Variants in TMEM177 observed in about 807,000 individuals in gnomAD.
The protein encoded by TMEM177 is transmembrane protein 177.
In TMEM177, 4 loss-of-function variants were observed where a neutral mutation model predicts 14.2. That is an observed-to-expected ratio of 0.28 (90% CI 0.14 to 0.64). The LOEUF (loss-of-function observed/expected upper bound fraction) is 0.64, where lower values mean the gene tolerates loss of function less well. TMEM177 is among the 30% of genes least tolerant of loss of function. The probability of loss-of-function intolerance (pLI) is 0.82; values close to 1 mark genes in which losing one functional copy is unlikely to be tolerated. For synonymous variants in TMEM177, 179 were observed against 174.5 expected (o/e 1.03, Z -0.20); for missense variants, 344 against 405.2 (o/e 0.85, Z 1.30).
At chr2:119,694,416 C>T in the TMEM177 span, among the ~76,000 whole-genome samples, 941 of 152,310 alleles carry the variant, frequency 6.2e-3, 8 homozygotes, top group South Asian at 0.012. Flanking sequence ...TAACTCACTG[C>T]CCCCACCAGA....
Position 119,681,872 on chromosome 2 carries a change from C to T in TMEM177, c.*83C>T. On this transcript the variant is annotated 3_prime_UTR_variant, in exon 2 of 2. Transcript: ENST00000272521. The stretch of plus-strand genomic sequence containing the variant: ...GGAGGGCCCTGTTGGAGCCTTTGGA[C>T]CTATAGCTCACGGCCAGAAAAATCA... 1.4e-6 allele frequency: 2 copies of T among 1,379,598 alleles called. No individual in the cohort carries two copies. The highest frequency in any genetic ancestry group is 2.0e-6 in the Non-Finnish European group (2 of 1,002,280). The allele number at this position is 1,379,598 out of a possible 1,614,324, so 85.5% of individuals were successfully genotyped here.
chr2:119,707,969 G>C, the TMEM177 span, among the ~76,000 whole-genome samples: 1 of 152,188 alleles, frequency 6.6e-6, no homozygotes, highest in Admixed American at 6.5e-5. Context: ...CATGGCTCCG[G>C]CGCCTCTCCC....
At chr2:119,694,517 T>C in the TMEM177 span, among the ~76,000 whole-genome samples, 1 of 152,256 alleles carries the variant, frequency 6.6e-6, no homozygotes, top group African/African-American at 2.4e-5. Context: ...GGCTGGAGTT[T>C]AGTGCAGGAG....
rs985751079 is a variant in TMEM177, at chr2:119,682,025, TAAAC to T, written c.*237_*240del. 2.1e-4 allele frequency: 104 copies of T among 504,614 alleles called. No homozygotes were observed. The highest frequency in any genetic ancestry group is 3.4e-4 in the Non-Finnish European group (94 of 278,952). The allele number at this position is 504,614 out of a possible 1,614,324, so 31.3% of individuals were successfully genotyped here. The stretch of plus-strand genomic sequence containing the variant: ...CTTGAACTGTAAAGTGGAGATGATG[TAAAC>T]CGCCTTGCAAGATTGTAGAGTTGGG... On this transcript the variant is annotated 3_prime_UTR_variant, in exon 2 of 2. Coordinates refer to ENST00000272521, the MANE Select transcript of TMEM177 (RefSeq NM_030577.3).
the TMEM177 span, among the ~76,000 whole-genome samples, chr2:119,696,987 G>A: frequency 6.6e-6 from 1 of 152,130 alleles, no homozygotes; most frequent in Admixed American, 6.5e-5. Context: ...CAGCTACTCC[G>A]GTCTCTGAGG....
chr2:119,715,092 A>C, the TMEM177 span, among the ~76,000 whole-genome samples: 1 of 152,208 alleles, frequency 6.6e-6, no homozygotes, highest in East Asian at 1.9e-4. Flanking sequence ...CAGAGAAAGA[A>C]ACTGGGAAGG....
At chr2:119,713,574 T>C in the TMEM177 span, among the ~76,000 whole-genome samples, 1 of 152,196 alleles carries the variant, frequency 6.6e-6, no homozygotes, top group African/African-American at 2.4e-5. Context: ...GCATGATGGC[T>C]CAAGCTTATA....
chr2:119,713,073 C>CTTT, the TMEM177 span, among the ~76,000 whole-genome samples: 1 of 146,534 alleles, frequency 6.8e-6, no homozygotes, highest in Non-Finnish European at 1.5e-5. Context: ...TAATGGTTTT[C>CTTT]TTTTTTTTTT....
At chr2:119,699,542 G>A in the TMEM177 span, among the ~76,000 whole-genome samples, 9 of 152,102 alleles carry the variant, frequency 5.9e-5, no homozygotes, top group South Asian at 6.2e-4. Flanking sequence ...CTTCCCACCC[G>A]CAGCTAGAAT....
the TMEM177 span, among the ~76,000 whole-genome samples, chr2:119,721,010 G>T: frequency 6.6e-6 from 1 of 152,176 alleles, no homozygotes; most frequent in South Asian, 2.1e-4. Flanking sequence ...TAAAGAATTT[G>T]TCTGGTCCTG....
rs758719136 is a variant in TMEM177, at chr2:119,681,373, C to A, written c.520C>A (p.Pro174Thr). The change falls in exon 2 of 2, where the codon CCA becomes ACA. Residue 174 changes from proline to threonine, a missense_variant. Pro to Thr is a conservative substitution (Grantham distance 38). Coordinates refer to ENST00000272521, the MANE Select transcript of TMEM177 (RefSeq NM_030577.3). ...STTAVHALLA[P>T]ACLAGTWALG... ...CACTGCCGTGCACGCCCTGCTGGCC[C>A]CAGCTTGCCTGGCAGGGACCTGGGC... 1 of 1,613,696 alleles carries A rather than the reference C, an allele frequency of 6.2e-7. No individual in the cohort carries two copies. The highest frequency in any genetic ancestry group is 8.5e-7 in the Non-Finnish European group (1 of 1,179,730).
At chr2:119,680,461 TA>T (rs2104845056) in intron 1 of TMEM177, among the ~76,000 whole-genome samples, 1 of 152,318 alleles carries the variant, frequency 6.6e-6, no homozygotes, top group African/African-American at 2.4e-5. Flanking sequence ...CATAGGGCTT[TA>T]CCATGGGATG....
At chr2:119,695,601 G>A in the TMEM177 span, among the ~76,000 whole-genome samples, 41 of 152,312 alleles carry the variant, frequency 2.7e-4, no homozygotes, top group Admixed American at 4.6e-4. Context: ...GGAGGCCTGC[G>A]GGCTGAGAAT....
At chr2:119,696,309 A>G in the TMEM177 span, among the ~76,000 whole-genome samples, 1 of 152,030 alleles carries the variant, frequency 6.6e-6, no homozygotes, top group Admixed American at 6.6e-5. Context: ...GGTACTGTAA[A>G]CCCCAGTAGG....
At chr2:119,691,722 C>G in the TMEM177 span, among the ~76,000 whole-genome samples, 1 of 152,126 alleles carries the variant, frequency 6.6e-6, no homozygotes, top group Non-Finnish European at 1.5e-5. Flanking sequence ...GAGGTCCTGA[C>G]GTGTCAAGGT....
chr2:119,683,679 A>G (rs1017849408), downstream of TMEM177, among the ~76,000 whole-genome samples: 3 of 151,992 alleles, frequency 2.0e-5, no homozygotes, highest in Non-Finnish European at 4.4e-5. Flanking sequence ...CCTTGTCTCC[A>G]CTCACAGGCT....
At chr2:119,707,640 C>T in the TMEM177 span, among the ~76,000 whole-genome samples, 1 of 152,198 alleles carries the variant, frequency 6.6e-6, no homozygotes, top group African/African-American at 2.4e-5. Flanking sequence ...CAAGAGGCCT[C>T]CATGGCAAGC....
chr2:119,705,951 T>G, the TMEM177 span, among the ~76,000 whole-genome samples: 1 of 141,636 alleles, frequency 7.1e-6, no homozygotes, highest in South Asian at 2.2e-4. Context: ...CCCTGGTAAT[T>G]GTGACAATGC....
chr2:119,716,519 G>A, the TMEM177 span, among the ~76,000 whole-genome samples: 2 of 152,166 alleles, frequency 1.3e-5, no homozygotes, highest in East Asian at 1.9e-4. Context: ...CCAAGAGCTC[G>A]TGTTTGCAAT....
Sources: allele counts gnomAD v4.1 joint callset (sites outside exome capture counted in the v4.1 genomes callset), GRCh38; gene constraint gnomAD v4.1.1; transcripts MANE v1.5; gene names NCBI Gene and HGNC (gene_info 2026-07-23, HGNC 2026-07-21).